Variants in ZNF331 observed in about 807,000 individuals in gnomAD.
The protein encoded by ZNF331 is C2H2-like zinc finger protein rearranged in thyroid adenomas.
Under a neutral mutation model 7.0 loss-of-function variants are expected in ZNF331, and 2 were observed. The observed-to-expected ratio is 0.29, with a 90% CI of 0.12 to 0.90. The LOEUF (loss-of-function observed/expected upper bound fraction) is 0.90. ZNF331 is among the 40% of genes least tolerant of loss of function. The probability of loss-of-function intolerance (pLI) is 0.58; values close to 1 mark genes in which losing one functional copy is unlikely to be tolerated. For missense variants in ZNF331, 432 were observed against 587.7 expected, an observed-to-expected ratio of 0.74 and a Z score of 2.74; for synonymous variants, 196 against 205.4, an observed-to-expected ratio of 0.95 and a Z score of 0.39.
chr19:53,503,249 G>A, the ZNF331 span: 1 of 299,690 alleles, frequency 3.3e-6, no homozygotes. Context: ...GCTCGCTGCA[G>A]CCTCAATCTC....
chr19:53,551,958 G>T (rs1302979027), intron 2 of ZNF331, among the ~76,000 whole-genome samples: 1 of 152,082 alleles, frequency 6.6e-6, no homozygotes, highest in Non-Finnish European at 1.5e-5. Context: ...AATTTTCTAT[G>T]ATTTTAATGG....
upstream of ZNF331, among the ~76,000 whole-genome samples, chr19:53,520,159 T>A (rs899675421): frequency 6.6e-6 from 1 of 151,916 alleles, no homozygotes; most frequent in African/African-American, 2.4e-5. Context: ...GCGATTCTCT[T>A]CCCTCAGCCT....
intron 3 of ZNF331, among the ~76,000 whole-genome samples, chr19:53,559,908 A>G (rs1265902960): frequency 1.3e-5 from 2 of 151,466 alleles, no homozygotes; most frequent in African/African-American, 2.4e-5. Context: ...ACACATATGT[A>G]CACATACATA....
intron 3 of ZNF331, 54 bp from the exon 4 acceptor site, chr19:53,569,250 C>T (rs2090323081): frequency 1.0e-6 from 1 of 954,938 alleles, no homozygotes; most frequent in Non-Finnish European, 1.6e-6. Context: ...CATATTACAT[C>T]ACTATGGGGA....
At chr19:53,548,116 T>G (rs2147389261) in intron 2 of ZNF331, among the ~76,000 whole-genome samples, 1 of 151,674 alleles carries the variant, frequency 6.6e-6, no homozygotes, top group African/African-American at 2.4e-5. Flanking sequence ...TCTTTTCTTT[T>G]CTTTTTTTTT....
chr19:53,520,392 G>A (rs895139112), upstream of ZNF331, among the ~76,000 whole-genome samples: 5 of 152,100 alleles, frequency 3.3e-5, no homozygotes, highest in Admixed American at 1.3e-4. Context: ...CCTTCCCTAT[G>A]GACGGATCCC....
chr19:53,547,673 G>A (rs767132721), intron 2 of ZNF331, among the ~76,000 whole-genome samples: 164 of 152,166 alleles, frequency 1.1e-3, no homozygotes, highest in Non-Finnish European at 1.4e-3. Flanking sequence ...TCACAGCCTT[G>A]CCAACATGTT....
At chr19:53,531,445 G>A (rs989418723) in intron 2 of ZNF331, among the ~76,000 whole-genome samples, 1 of 152,100 alleles carries the variant, frequency 6.6e-6, no homozygotes, top group Non-Finnish European at 1.5e-5. Flanking sequence ...CTAAGAATCT[G>A]ATGATATAGA....
chr19:53,528,918 G>A (rs2087416113), intron 2 of ZNF331, among the ~76,000 whole-genome samples: 1 of 151,708 alleles, frequency 6.6e-6, no homozygotes, highest in Non-Finnish European at 1.5e-5. Context: ...CCGAGTAGCT[G>A]GGACTACAGC....
chr19:53,574,375 A>G (rs1028335818), intron 5 of ZNF331, among the ~76,000 whole-genome samples: 1 of 152,128 alleles, frequency 6.6e-6, no homozygotes, highest in Non-Finnish European at 1.5e-5. Context: ...GCACACCCTG[A>G]GGTGTTGGAG....
chr19:53,535,149 G>A (rs2087697430), upstream of ZNF331, among the ~76,000 whole-genome samples: 1 of 152,018 alleles, frequency 6.6e-6, no homozygotes, highest in South Asian at 2.1e-4. Context: ...AGGCTGGAGT[G>A]CAATGGTACA....
chr19:53,568,847 C>T (rs964715597), intron 3 of ZNF331, among the ~76,000 whole-genome samples: 2 of 123,296 alleles, frequency 1.6e-5, no homozygotes, highest in African/African-American at 6.5e-5. Context: ...ATCCATGATA[C>T]TCTTTTTTTT....
At position 53,538,212 on chromosome 19, in the gene ZNF331, G is replaced by A. The variant is rs1199803029; in HGVS notation, c.-289G>A. ...CCGTAACTGTGACACGGGTGCACGC[G>A]AGCGTCATTGGGGGCGATGGGGGCC... On this transcript the variant is annotated 5_prime_UTR_variant, in exon 1 of 6. Coordinates refer to ENST00000449416, the MANE Select transcript of ZNF331 (RefSeq NM_001079906.2). The A allele has an allele frequency of 1.3e-5, 2 of 152,308 alleles. No individual in the cohort carries two copies. Among genetic ancestry groups the A allele is most frequent in the East Asian group, 1.9e-4 (1 of 5,168 alleles). The allele number at this position is 152,308 out of a possible 1,614,324, so 9.4% of individuals were successfully genotyped here. A position where few individuals can be genotyped will look rare whatever the true frequency, so the allele number is the denominator to read the frequency against.
chr19:53,509,905 G>A, the ZNF331 span, among the ~76,000 whole-genome samples: 1 of 152,212 alleles, frequency 6.6e-6, no homozygotes, highest in Non-Finnish European at 1.5e-5. Context: ...AGCAAGGTAT[G>A]TCTTACCATT....
intron 2 of ZNF331, among the ~76,000 whole-genome samples, chr19:53,546,140 G>GTAAAAAAAAAAAAAAAA: frequency 8.8e-6 from 1 of 113,484 alleles, no homozygotes; most frequent in Non-Finnish European, 1.9e-5. Flanking sequence ...TCCTGAGGGG[G>GTAAAAAAAAAAAAAAAA]AAAAAAAAAA....
At chr19:53,535,682 C>A (rs1231869460), upstream of ZNF331, among the ~76,000 whole-genome samples, 2 of 152,006 alleles carry the variant, frequency 1.3e-5, no homozygotes, top group Non-Finnish European at 2.9e-5. Flanking sequence ...TCACTGGATA[C>A]CTTACAAATA....
chr19:53,506,470 CTCTCTCTCTCTG>C, the ZNF331 span, among the ~76,000 whole-genome samples: 1 of 142,572 alleles, frequency 7.0e-6, no homozygotes. Flanking sequence ...CTCTCTCTCT[CTCTCTCTCTCTG>C]TCTGTCTCTC....
intron 3 of ZNF331, among the ~76,000 whole-genome samples, chr19:53,559,625 T>C (rs2089710350): frequency 7.9e-6 from 1 of 127,078 alleles, no homozygotes; most frequent in African/African-American, 2.7e-5. Context: ...TATACACACA[T>C]ATACACACAC....
intron 2 of ZNF331, among the ~76,000 whole-genome samples, chr19:53,526,550 A>AT (rs35733725): frequency 2.0e-5 from 3 of 150,186 alleles, no homozygotes; most frequent in East Asian, 2.0e-4. Context: ...TGGCGTAGAA[A>AT]TTTTTTTTTT....
Sources: gnomAD v4.1 joint callset for allele counts (sites outside exome capture counted in the v4.1 genomes callset) on GRCh38, gnomAD v4.1.1 for gene constraint, MANE v1.5 for transcripts, NCBI Gene and HGNC (gene_info 2026-07-23, HGNC 2026-07-21) for gene names.